MYO5B: variants seen among roughly 807,000 people sequenced by gnomAD.
MYO5B encodes myosin VB, also known as unconventional myosin-Vb.
Under a neutral mutation model 229.3 loss-of-function variants are expected in MYO5B, and 143 were observed. That is an observed-to-expected ratio of 0.62 (90% CI 0.54 to 0.72). The LOEUF (loss-of-function observed/expected upper bound fraction) is 0.72, where lower values mean the gene tolerates loss of function less well. Among genes scored for constraint, MYO5B ranks in the 30% least tolerant of loss-of-function variants. MYO5B has a pLI of 0.00. For synonymous variants in MYO5B, 918 were observed against 885.2 expected (o/e 1.04, Z -0.66); for missense variants, 2,321 against 2,331.0 (o/e 1.00, Z 0.09).
At chr18:49,834,788 A>G (rs911311933) in intron 39 of MYO5B, among the ~76,000 whole-genome samples, 22 of 151,864 alleles carry the variant, frequency 1.4e-4, no homozygotes, top group Non-Finnish European at 1.0e-4. Context: ...ACAGGCGCCC[A>G]CCACCACGCC....
chr18:49,875,390 C>T (rs147174536), intron 26 of MYO5B, among the ~76,000 whole-genome samples: 203 of 152,238 alleles, frequency 1.3e-3, no homozygotes, highest in African/African-American at 4.7e-3. Context: ...TATTACACAC[C>T]CTGGTCCTCC....
intron 4 of MYO5B, among the ~76,000 whole-genome samples, chr18:50,021,365 G>A (rs1342636807): frequency 6.6e-6 from 1 of 152,130 alleles, no homozygotes; most frequent in Non-Finnish European, 1.5e-5. Flanking sequence ...TAAGAGGCGG[G>A]AGAACCAGGT....
intron 12 of MYO5B, among the ~76,000 whole-genome samples, chr18:49,956,107 T>C (rs2025489482): frequency 2.0e-5 from 3 of 152,088 alleles, no homozygotes; most frequent in Non-Finnish European, 4.4e-5. Context: ...AGTGTATACA[T>C]AATTTTCTGA....
At chr18:49,968,875 G>C (rs2025656719) in intron 10 of MYO5B, among the ~76,000 whole-genome samples, 1 of 152,244 alleles carries the variant, frequency 6.6e-6, no homozygotes, top group African/African-American at 2.4e-5. Context: ...ACATAGTGTG[G>C]GAGTACTGGC....
At chr18:50,074,597 G>A (rs1276354222) in intron 1 of MYO5B, among the ~76,000 whole-genome samples, 1 of 152,066 alleles carries the variant, frequency 6.6e-6, no homozygotes, top group Non-Finnish European at 1.5e-5. Context: ...TGATCTTCTG[G>A]CTCAGGGAGT....
chr18:49,919,166 G>A (rs770456236), intron 17 of MYO5B, among the ~76,000 whole-genome samples: 5 of 152,126 alleles, frequency 3.3e-5, no homozygotes, highest in Non-Finnish European at 7.3e-5. Context: ...ATGAGACTGG[G>A]CTCTTACATG....
rs2144370395 is a variant in MYO5B at position 50,194,869 on chromosome 18, C to T, written c.-76G>A. The T allele has an allele frequency of 1.6e-6, 2 of 1,240,110 alleles. No homozygotes were observed. Among genetic ancestry groups the T allele is most frequent in the Non-Finnish European group, 1.0e-6 (1 of 994,222 alleles). The allele number at this position is 1,240,110 out of a possible 1,614,324, so 76.8% of individuals were successfully genotyped here. A position where few individuals can be genotyped will look rare whatever the true frequency, so the allele number is the denominator to read the frequency against. Reference sequence around the variant, plus strand: ...CTCAGTCCGCGGCTGGCCCGCCTGGCGCCATGTTCCCGGGCTGGCCTGGAG... The same window carrying T: ...CTCAGTCCGCGGCTGGCCCGCCTGGTGCCATGTTCCCGGGCTGGCCTGGAG... On this transcript the variant is annotated 5_prime_UTR_variant, in exon 1 of 40. Coordinates refer to ENST00000285039, the MANE Select transcript of MYO5B (RefSeq NM_001080467.3).
chr18:50,188,757 A>T (rs1340385128), intron 1 of MYO5B, among the ~76,000 whole-genome samples: 1 of 137,122 alleles, frequency 7.3e-6, no homozygotes, highest in East Asian at 2.3e-4. Context: ...ACTGCACTCT[A>T]GACTGGTGAC....
intron 12 of MYO5B, 74 bp from the exon 13 acceptor site, chr18:49,954,509 G>A: frequency 6.3e-7 from 1 of 1,588,600 alleles, no homozygotes; most frequent in Non-Finnish European, 8.6e-7. Context: ...GCAGAGGGAT[G>A]GGACCAGTAG....
intron 21 of MYO5B, among the ~76,000 whole-genome samples, chr18:49,899,559 G>T (rs1048256869): frequency 6.6e-6 from 1 of 152,184 alleles, no homozygotes; most frequent in Non-Finnish European, 1.5e-5. Context: ...TTGGTCAGAG[G>T]TGGCAGAACA....
chr18:50,143,189 T>TAGTG (rs1438875528), intron 1 of MYO5B, among the ~76,000 whole-genome samples: 1 of 152,190 alleles, frequency 6.6e-6, no homozygotes, highest in Non-Finnish European at 1.5e-5. Context: ...ATTGACAAAC[T>TAGTG]AGTGAGTACT....
chr18:49,935,161 G>T (rs1177557636), intron 16 of MYO5B, among the ~76,000 whole-genome samples: 1 of 152,184 alleles, frequency 6.6e-6, no homozygotes, highest in Non-Finnish European at 1.5e-5. Flanking sequence ...AACGTGCATG[G>T]AGACTTCATG....
In MYO5B at chr18:50,132,661, C is replaced by T. The variant is rs527717647; in HGVS notation, c.27+62106G>A. Among the ~76,000 whole-genome samples the T allele has an allele frequency of 1.4e-4, 22 of 152,288 alleles. No individual in the cohort carries two copies. In the South Asian group the frequency reaches 4.6e-3, roughly 32 times the overall value. On this transcript the variant is annotated intron_variant, in intron 1 of 39. Transcript: ENST00000285039. ...ATCTCTCTTCCTGGGAATAGGGTTG[C>T]CTGCTCAGAATTAGCCCAGGAATAG...
chr18:49,974,418 C>T lies in MYO5B; in HGVS notation c.1254G>A (p.Glu418=), dbSNP rs145905243. Residue 418 remains glutamate (E), a synonymous_variant, in exon 10 of 40, where the codon GAG becomes GAA. Coordinates refer to ENST00000285039, the MANE Select transcript of MYO5B (RefSeq NM_001080467.3). ...AGGTGTGCAGGGCCTTGTTGATGTG[C>T]TCCACAATCCAGCCGAACAACTGGG... ...IYAQLFGWIV[E]HINKALHTSL... 4 of 1,614,170 alleles carry T rather than the reference C, an allele frequency of 2.5e-6. No individual in the cohort carries two copies. In the East Asian group the frequency reaches 6.7e-5, roughly 27 times the overall value.
chr18:49,974,790 CACACACAG>C (rs1199357063), intron 9 of MYO5B, among the ~76,000 whole-genome samples, 175 bp from the exon 10 acceptor site: 78 of 142,508 alleles, frequency 5.5e-4, no homozygotes, highest in African/African-American at 2.0e-3. Flanking sequence ...CACACACACA[CACACACAG>C]ACACACACAC....
intron 28 of MYO5B, 134 bp downstream of exon 28, chr18:49,864,007 G>A (rs2024363305): frequency 3.0e-6 from 4 of 1,352,386 alleles, no homozygotes; most frequent in East Asian, 4.9e-5. Context: ...CTGCCTTTTT[G>A]GAGGAGACCC....
In MYO5B at chr18:49,826,137, T is replaced by C. The variant is rs886053869; in HGVS notation, c.*334A>G. ...TTAATTTGGACATTCTCTAGTTCTA[T>C]GCAAAGATCAAAACTAGGCAGCTTC... On this transcript the variant is annotated 3_prime_UTR_variant, in exon 40 of 40. Coordinates refer to ENST00000285039, the MANE Select transcript of MYO5B (RefSeq NM_001080467.3). 7 of 341,038 alleles carry C rather than the reference T, an allele frequency of 2.1e-5. No homozygotes were observed. In the East Asian group the frequency reaches 2.1e-4, roughly 10 times the overall value. 21.1% of individuals were successfully genotyped at this position (341,038 alleles called of 1,614,324 possible). A position where few individuals can be genotyped will look rare whatever the true frequency, so the allele number is the denominator to read the frequency against.
chr18:50,046,767 C>T (rs557616853), intron 2 of MYO5B, among the ~76,000 whole-genome samples: 1 of 152,180 alleles, frequency 6.6e-6, no homozygotes, highest in East Asian at 1.9e-4. Context: ...CAGAACAGAG[C>T]CCTCAGAAAT....
intron 22 of MYO5B, among the ~76,000 whole-genome samples, chr18:49,893,164 G>T (rs1358039643): frequency 6.6e-6 from 1 of 152,214 alleles, no homozygotes; most frequent in Non-Finnish European, 1.5e-5. Context: ...AGGGACGCGG[G>T]GCTGGGAAGC....
Sources: allele counts gnomAD v4.1 joint callset (sites outside exome capture counted in the v4.1 genomes callset), GRCh38; gene constraint gnomAD v4.1.1; transcripts MANE v1.5; gene names NCBI Gene and HGNC (gene_info 2026-07-23, HGNC 2026-07-21).